IGDCC4: variants seen among roughly 807,000 people sequenced by gnomAD.
IGDCC4 encodes the protein likely ortholog of mouse neighbor of Punc E11.
In IGDCC4, 72 loss-of-function variants were observed where a neutral mutation model predicts 116.6. The observed-to-expected ratio is 0.62, with a 90% CI of 0.51 to 0.75. The LOEUF is 0.75. IGDCC4 is among the 30% of genes least tolerant of loss of function. The probability of loss-of-function intolerance (pLI) is 0.00; values close to 1 mark genes in which losing one functional copy is unlikely to be tolerated. For missense variants in IGDCC4, 1,501 were observed against 1,662.4 expected, an observed-to-expected ratio of 0.90 and a Z score of 1.69; for synonymous variants, 709 against 719.9, an observed-to-expected ratio of 0.98 and a Z score of 0.24.
chr15:65,386,829 C>T (rs906620629), intron 16 of IGDCC4, among the ~76,000 whole-genome samples, 173 bp from the exon 17 acceptor site: 1 of 152,198 alleles, frequency 6.6e-6, no homozygotes, highest in African/African-American at 2.4e-5. Context: ...GAAACTACTA[C>T]TACCTCTCCC....
chr15:65,386,665 G>A lies in IGDCC4; in HGVS notation c.2846-9C>T, dbSNP rs775912975. The A allele has an allele frequency of 6.2e-7, 1 of 1,604,542 alleles. No homozygotes were observed. The highest frequency in any genetic ancestry group is 8.5e-7 in the Non-Finnish European group (1 of 1,175,956). ...GTGCATGTCCAGCGAGTCTGGTGGG[G>A]GAGAGAGAGGCACAGAGCAGGTCAG... On this transcript the variant is annotated splice_polypyrimidine_tract_variant and intron_variant, in intron 16 of 19. Coordinates refer to ENST00000352385, the MANE Select transcript of IGDCC4 (RefSeq NM_020962.3).
At position 65,384,300 on chromosome 15, in the gene IGDCC4, C is replaced by A. The variant is rs2091431855; in HGVS notation, c.3462G>T (p.Glu1154Asp). 3.7e-6 allele frequency: 6 copies of A among 1,607,780 alleles called. No homozygotes were observed. The highest frequency in any genetic ancestry group is 4.2e-6 in the Non-Finnish European group (5 of 1,176,864). ...GNPDLHLQDL[E>D]PEDPLPPEAP... ...CCTCTGGAGGCAGGGGGTCCTCAGGCTCCAGGTCTTGGAGATGGAGGTCAG... is the reference window on the plus strand; with the variant it reads ...CCTCTGGAGGCAGGGGGTCCTCAGGATCCAGGTCTTGGAGATGGAGGTCAG... Residue 1154 changes from glutamate (E) to aspartate (D), a missense_variant, in exon 20 of 20, where the codon GAG (glutamate) becomes GAT (aspartate). Transcript: ENST00000352385. The surrounding 1 kb of genome is among the most constrained non-coding windows in gnomAD (Gnocchi z 4.9).
At position 65,385,134 on chromosome 15, in the gene IGDCC4, G is replaced by A. The variant is rs1406181135; in HGVS notation, c.3181-19C>T. On this transcript the variant is annotated intron_variant, in intron 18 of 19. Transcript: ENST00000352385. ...AGGAGATCTGCACGGGGGAAAGAAG[G>A]GGACAGTAAGGGGCACGACCAGGAT... The A allele has an allele frequency of 2.6e-6, 4 of 1,556,654 alleles. No individual in the cohort carries two copies. Among genetic ancestry groups the A allele is most frequent in the Non-Finnish European group, 3.4e-6 (4 of 1,162,174 alleles).
Position 65,393,360 on chromosome 15 carries a change from C to A in IGDCC4, c.1885+1G>T. The stretch of plus-strand genomic sequence containing the variant: ...GTCCTGTCTCTCCTCTAACCCCGTA[C>A]CATGGCTCTGGTTGTGCATACTGGG... On this transcript the variant is annotated splice_donor_variant, in intron 10 of 19. Transcript: ENST00000352385. LOFTEE classifies it high-confidence loss of function. The surrounding 1 kb of genome is among the most constrained non-coding windows in gnomAD (Gnocchi z 4.6). 6.2e-7 allele frequency: 1 copy of A among 1,608,774 alleles called. No individual in the cohort carries two copies. The highest frequency in any genetic ancestry group is 8.5e-7 in the Non-Finnish European group (1 of 1,177,086).
In IGDCC4 at chr15:65,393,277, G is replaced by C; in HGVS notation, c.1885+84C>G. ...AGGTCTCTGATGGAGGGCGGGGCCA[G>C]GGGGTGGGGCGCTGGGTCCCAAGGA... On this transcript the variant is annotated intron_variant, in intron 10 of 19. Transcript: ENST00000352385. This position sits in a 1 kb window ranked among gnomAD's most constrained non-coding sequence, Gnocchi z 4.6. 7.1e-7 allele frequency: 1 copy of C among 1,417,682 alleles called. No homozygotes were observed. The highest frequency in any genetic ancestry group is 1.5e-5 in the South Asian group (1 of 64,840). The allele number at this position is 1,417,682 out of a possible 1,614,324, so 87.8% of individuals were successfully genotyped here. A position where few individuals can be genotyped will look rare whatever the true frequency, so the allele number is the denominator to read the frequency against.
rs755378635 is a variant in IGDCC4 at position 65,400,961 on chromosome 15, G to C, written c.701-15C>G. 1.2e-5 allele frequency: 19 copies of C among 1,614,012 alleles called. No individual in the cohort carries two copies. The highest frequency in any genetic ancestry group is 1.4e-5 in the Non-Finnish European group (17 of 1,180,020). On this transcript the variant is annotated splice_polypyrimidine_tract_variant and intron_variant, in intron 4 of 19. Coordinates refer to ENST00000352385, the MANE Select transcript of IGDCC4 (RefSeq NM_020962.3). Reference sequence around the variant, plus strand: ...CGCCAGGGACCCTGGCGAGAAGACAGACCAGCAGGCAGCCTTACCATTAGG... The same window carrying C: ...CGCCAGGGACCCTGGCGAGAAGACACACCAGCAGGCAGCCTTACCATTAGG...
intron 1 of IGDCC4, among the ~76,000 whole-genome samples, chr15:65,422,262 T>A (rs1268383664): frequency 1.3e-5 from 2 of 152,020 alleles, no homozygotes; most frequent in African/African-American, 4.8e-5. Flanking sequence ...TGTCCCCCAC[T>A]ATGGGCAAGG....
At chr15:65,407,034 G>A (rs373322140) in intron 3 of IGDCC4, among the ~76,000 whole-genome samples, 1 of 152,044 alleles carries the variant, frequency 6.6e-6, no homozygotes. Flanking sequence ...GACCTCACAG[G>A]TTCCGCACCC....
intron 5 of IGDCC4, 90 bp downstream of exon 5, chr15:65,400,716 C>A: frequency 4.8e-6 from 7 of 1,459,992 alleles, no homozygotes; most frequent in Non-Finnish European, 5.5e-6. Context: ...ACCACTGGGT[C>A]GTCACCCATA....
chr15:65,403,376 C>T (rs193004162), intron 3 of IGDCC4, among the ~76,000 whole-genome samples: 13 of 152,180 alleles, frequency 8.5e-5, no homozygotes, highest in African/African-American at 2.9e-4. Flanking sequence ...GGGAGGGGAC[C>T]TGGGATCCAG....
rs1446949604 is a variant in IGDCC4, at chr15:65,383,994, A to T, written c.*15T>A. 3.2e-6 allele frequency: 5 copies of T among 1,558,166 alleles called. No homozygotes were observed. The highest frequency in any genetic ancestry group is 4.4e-6 in the Non-Finnish European group (5 of 1,147,508). ...TCCATACCTGCCTGCCCCAAACCAC[A>T]TCCTCTGGGAAGAGCTAGGCAGAGG... On this transcript the variant is annotated 3_prime_UTR_variant, in exon 20 of 20. Transcript: ENST00000352385.
intron 13 of IGDCC4, among the ~76,000 whole-genome samples, 194 bp from the exon 14 acceptor site, chr15:65,389,605 C>T (rs987160565): frequency 6.6e-6 from 1 of 152,198 alleles, no homozygotes; most frequent in African/African-American, 2.4e-5. Flanking sequence ...TGCTCCAAGT[C>T]CAATCTCGAA....
At chr15:65,386,693 C>T (rs1274276335) in intron 16 of IGDCC4, 37 bp from the exon 17 acceptor site, 2 of 1,532,880 alleles carry the variant, frequency 1.3e-6, no homozygotes, top group South Asian at 2.3e-5. Flanking sequence ...CAGGTCAGGA[C>T]AGAGGAAGGG....
chr15:65,386,141 C>G, intron 17 of IGDCC4, 82 bp from the exon 18 acceptor site: 1 of 886,016 alleles, frequency 1.1e-6, no homozygotes, highest in Non-Finnish European at 1.7e-6. Context: ...GCCTATGTCT[C>G]TGGGGAGGTT....
At position 65,411,171 on chromosome 15, in the gene IGDCC4, A is replaced by G; in HGVS notation, c.270T>C (p.Asn90=). The change falls in exon 2 of 20, where the codon AAT becomes AAC. Residue 90 remains asparagine (N), a synonymous_variant. Coordinates refer to ENST00000352385, the MANE Select transcript of IGDCC4 (RefSeq NM_020962.3). The part of the protein sequence containing the change: ...LEHDHLHLLP[N]GSLWLSQPLA... ...GTGGCTGGGACAGCCACAGGGAACCATTGGGCAGCAGGTGTAAGTGGTCGT... is the reference window on the plus strand; with the variant it reads ...GTGGCTGGGACAGCCACAGGGAACCGTTGGGCAGCAGGTGTAAGTGGTCGT... 2 of 1,614,178 alleles carry G rather than the reference A, an allele frequency of 1.2e-6. No individual in the cohort carries two copies. The highest frequency in any genetic ancestry group is 1.7e-6 in the Non-Finnish European group (2 of 1,180,028).
chr15:65,416,391 C>A (rs939638133), intron 1 of IGDCC4, among the ~76,000 whole-genome samples: 1 of 152,160 alleles, frequency 6.6e-6, no homozygotes, highest in African/African-American at 2.4e-5. Context: ...CCCGCCTCGG[C>A]CTTCCAAAGT....
At chr15:65,395,302 C>T (rs778193729) in intron 7 of IGDCC4, 44 bp from the exon 8 acceptor site, 7 of 1,578,056 alleles carry the variant, frequency 4.4e-6, no homozygotes, top group African/African-American at 1.3e-5. Flanking sequence ...TGCCACCCCC[C>T]CGTGCTGGCT....
At chr15:65,405,009 G>T (rs910771089) in intron 3 of IGDCC4, among the ~76,000 whole-genome samples, 3 of 152,048 alleles carry the variant, frequency 2.0e-5, no homozygotes, top group Non-Finnish European at 4.4e-5. Context: ...CAGTGATTGT[G>T]CCACCGCACT....
intron 1 of IGDCC4, among the ~76,000 whole-genome samples, chr15:65,415,438 G>T (rs924676670): frequency 1.3e-5 from 2 of 152,188 alleles, no homozygotes; most frequent in African/African-American, 4.8e-5. Context: ...AATATTCATG[G>T]ATCAGCAGAT....
Sources: allele counts gnomAD v4.1 joint callset (sites outside exome capture counted in the v4.1 genomes callset), GRCh38; gene constraint gnomAD v4.1.1; non-coding constraint Gnocchi (gnomAD v3.1); transcripts MANE v1.5; gene names NCBI Gene and HGNC (gene_info 2026-07-23, HGNC 2026-07-21).